CKAP5: variants seen among roughly 807,000 people sequenced by gnomAD.
CKAP5 encodes the protein cytoskeleton-associated protein 5.
Under a neutral mutation model 232.8 loss-of-function variants are expected in CKAP5, and 27 were observed. That is an observed-to-expected ratio of 0.12 (90% CI 0.09 to 0.16). CKAP5 has a LOEUF of 0.16. Among genes scored for constraint, CKAP5 ranks in the 10% least tolerant of loss-of-function variants. CKAP5 has a pLI of 1.00. For missense variants in CKAP5, 1,838 were observed against 2,424.7 expected, an observed-to-expected ratio of 0.76 and a Z score of 5.08; for synonymous variants, 785 against 841.1, an observed-to-expected ratio of 0.93 and a Z score of 1.16.
chr11:46,777,775 A>C (rs1232078011), intron 22 of CKAP5, among the ~76,000 whole-genome samples: 1 of 152,208 alleles, frequency 6.6e-6, no homozygotes, highest in Non-Finnish European at 1.5e-5. Flanking sequence ...AGAATTTTAG[A>C]CCAGAGATCA....
At chr11:46,768,078 G>C (rs552927124) in intron 26 of CKAP5, among the ~76,000 whole-genome samples, 1 of 152,224 alleles carries the variant, frequency 6.6e-6, no homozygotes, top group South Asian at 2.1e-4. Context: ...TTACAGGCGT[G>C]AGTCACTGTG....
At chr11:46,827,963 A>G (rs1305875512) in intron 1 of CKAP5, among the ~76,000 whole-genome samples, 1 of 152,194 alleles carries the variant, frequency 6.6e-6, no homozygotes, top group Non-Finnish European at 1.5e-5. Context: ...AACAGGAAAG[A>G]TATGTGCTTT....
intron 33 of CKAP5, 84 bp downstream of exon 33, chr11:46,760,528 C>T: frequency 7.4e-7 from 1 of 1,357,794 alleles, no homozygotes; most frequent in Admixed American, 1.9e-5. Flanking sequence ...TACAAGAACT[C>T]AAGATTATGT....
At chr11:46,770,693 T>C (rs2065239943) in intron 25 of CKAP5, 95 bp downstream of exon 25, 2 of 1,122,250 alleles carry the variant, frequency 1.8e-6, no homozygotes, top group Non-Finnish European at 2.6e-6. Flanking sequence ...CCTCCCAAAG[T>C]GTTGGGATTA....
intron 38 of CKAP5, among the ~76,000 whole-genome samples, chr11:46,752,193 T>TACACACACACAC (rs1156472710): frequency 1.4e-4 from 9 of 66,546 alleles, no homozygotes; most frequent in African/African-American, 3.6e-4. Flanking sequence ...TATATATATA[T>TACACACACACAC]ACACACACAC....
chr11:46,784,596 T>C lies in CKAP5; in HGVS notation c.2046A>G (p.Val682=). 6.2e-7 allele frequency: 1 copy of C among 1,614,114 alleles called. No homozygotes were observed. Among genetic ancestry groups the C allele is most frequent in the South Asian group, 1.1e-5 (1 of 91,086 alleles). ...GNFSKTSAQV[V]LDGLVDKIGD... ...CAATCTTGTCCACAAGGCCATCTAA[T>C]ACAACCTGAGCTGACGTTTTGGAAA... Residue 682 remains valine, a synonymous_variant, in exon 17 of 44, where the codon GTA becomes GTG. Coordinates refer to ENST00000529230, the MANE Select transcript of CKAP5 (RefSeq NM_001008938.4).
intron 4 of CKAP5, among the ~76,000 whole-genome samples, chr11:46,811,849 A>G (rs1939281396): frequency 6.6e-6 from 1 of 152,202 alleles, no homozygotes; most frequent in African/African-American, 2.4e-5. Flanking sequence ...ATTTACATGA[A>G]TGAAATCTAC....
intron 1 of CKAP5, among the ~76,000 whole-genome samples, chr11:46,838,938 A>G (rs770203936): frequency 4.0e-5 from 6 of 151,892 alleles, no homozygotes; most frequent in Admixed American, 1.3e-4. Flanking sequence ...TTTTTTGTTC[A>G]GAGAAGATGA....
chr11:46,828,745 A>G (rs1939711142), intron 1 of CKAP5, among the ~76,000 whole-genome samples: 1 of 152,228 alleles, frequency 6.6e-6, no homozygotes. Context: ...AAAATCTACT[A>G]ACAGTCACAA....
chr11:46,784,779 A>G (rs2065376587), intron 16 of CKAP5, 106 bp from the exon 17 acceptor site: 2 of 706,492 alleles, frequency 2.8e-6, no homozygotes, highest in African/African-American at 1.8e-5. Context: ...GGACAGCTGG[A>G]AACACAACTA....
At chr11:46,845,047 T>C (rs1251215037) in intron 1 of CKAP5, among the ~76,000 whole-genome samples, 4 of 152,254 alleles carry the variant, frequency 2.6e-5, no homozygotes, top group African/African-American at 9.6e-5. Flanking sequence ...ATCTATATCA[T>C]TAAATTTGGT....
chr11:46,845,507 C>A (rs1023475686), intron 1 of CKAP5, among the ~76,000 whole-genome samples: 12 of 152,178 alleles, frequency 7.9e-5, no homozygotes, highest in African/African-American at 2.9e-4. Flanking sequence ...ACAATTACCA[C>A]GATTACAAGT....
At chr11:46,755,644 T>C (rs1480071325) in intron 35 of CKAP5, among the ~76,000 whole-genome samples, 1 of 151,652 alleles carries the variant, frequency 6.6e-6, no homozygotes, top group Non-Finnish European at 1.5e-5. Context: ...AATCCTTATG[T>C]TTGGCTGGGC....
At chr11:46,804,530 C>G (rs572263535) in intron 8 of CKAP5, among the ~76,000 whole-genome samples, 1 of 152,144 alleles carries the variant, frequency 6.6e-6, no homozygotes, top group African/African-American at 2.4e-5. Context: ...GTTTTAAGTG[C>G]TGTCACTTTT....
intron 1 of CKAP5, among the ~76,000 whole-genome samples, chr11:46,829,410 G>A (rs1473895196): frequency 2.0e-5 from 3 of 152,142 alleles, no homozygotes; most frequent in Non-Finnish European, 4.4e-5. Flanking sequence ...TGGGCCTGGT[G>A]GCACATGCCT....
At chr11:46,805,675 C>T (rs1284033497) in intron 8 of CKAP5, among the ~76,000 whole-genome samples, 1 of 152,184 alleles carries the variant, frequency 6.6e-6, no homozygotes, top group African/African-American at 2.4e-5. Flanking sequence ...GTGGCTCATG[C>T]CTGTAATCCC....
chr11:46,810,610 G>C (rs995052350), intron 5 of CKAP5, among the ~76,000 whole-genome samples: 2 of 152,074 alleles, frequency 1.3e-5, no homozygotes, highest in African/African-American at 4.8e-5. Flanking sequence ...TGCACCAGCG[G>C]AAGAAAATAT....
chr11:46,825,648 G>A (rs1273426299), intron 1 of CKAP5, among the ~76,000 whole-genome samples: 2 of 151,890 alleles, frequency 1.3e-5, no homozygotes, highest in Non-Finnish European at 2.9e-5. Flanking sequence ...CTAAGGAGAT[G>A]CTATTGCAGA....
chr11:46,801,281 G>T lies in CKAP5; in HGVS notation c.1002C>A (p.Val334=), dbSNP rs1241590587. The T allele has an allele frequency of 1.2e-6, 2 of 1,613,392 alleles. No homozygotes were observed. The highest frequency in any genetic ancestry group is 1.7e-5 in the Admixed American group (1 of 59,998). ...ATTTTGCTGCCAAAGCCACCAACAT[G>T]ACATTGGTGTCCTTTCCAACAACCT... The part of the protein sequence containing the change: ...LKKVVGKDTN[V]MLVALAAKCL... Residue 334 remains valine (V), a synonymous_variant, in exon 9 of 44, where the codon GTC becomes GTA. Coordinates refer to ENST00000529230, the MANE Select transcript of CKAP5 (RefSeq NM_001008938.4).
Sources: allele counts gnomAD v4.1 joint callset (sites outside exome capture counted in the v4.1 genomes callset), GRCh38; gene constraint gnomAD v4.1.1; transcripts MANE v1.5; gene names NCBI Gene and HGNC (gene_info 2026-07-23, HGNC 2026-07-21).